Variants in ATG5 observed in about 807,000 individuals in gnomAD.
ATG5 encodes the protein autophagy related 5, also known as autophagy protein 5.
A neutral mutation model predicts 36.5 loss-of-function variants in ATG5; 14 were observed. The observed-to-expected ratio is 0.38, with a 90% CI of 0.25 to 0.60. The LOEUF (loss-of-function observed/expected upper bound fraction) is 0.60, where lower values mean the gene tolerates loss of function less well. Ranked by LOEUF, ATG5 falls within the 20% of genes least tolerant of loss-of-function variation. ATG5 has a pLI of 0.60. For synonymous variants in ATG5, 95 were observed against 101.5 expected, an observed-to-expected ratio of 0.94 and a Z score of 0.38; for missense variants, 195 against 326.7, an observed-to-expected ratio of 0.60 and a Z score of 3.11.
intron 5 of ATG5, among the ~76,000 whole-genome samples, chr6:106,264,493 C>T (rs1038330934): frequency 2.0e-5 from 3 of 152,060 alleles, no homozygotes; most frequent in African/African-American, 7.2e-5. Flanking sequence ...ACAGAGAACA[C>T]CACTAAGATA....
chr6:106,234,178 C>T lies in ATG5; in HGVS notation c.573+13972G>A, dbSNP rs1352566229. On this transcript the variant is annotated intron_variant, in intron 6 of 7. Transcript: ENST00000369076. ...TAAAGGAAGTAACCTCCCAACTGAC[C>T]CGGGTACATAGCACCCCTAGCCCCT... is the stretch of plus-strand genomic sequence containing the variant. Among the ~76,000 whole-genome samples, 7 of 152,134 alleles carry T rather than the reference C, an allele frequency of 4.6e-5. No individual in the cohort carries two copies. The East Asian group carries it at 1.4e-3, about 29-fold the overall frequency.
At chr6:106,294,325 T>C (rs1017457617) in intron 3 of ATG5, among the ~76,000 whole-genome samples, 2 of 152,178 alleles carry the variant, frequency 1.3e-5, no homozygotes, top group South Asian at 2.1e-4. Context: ...TATCAGTTAA[T>C]ATTATTTATG....
intron 5 of ATG5, among the ~76,000 whole-genome samples, chr6:106,272,825 A>G (rs1448801592): frequency 6.6e-6 from 1 of 152,220 alleles, no homozygotes; most frequent in Non-Finnish European, 1.5e-5. Flanking sequence ...AAGACAATGA[A>G]TGTTGTTTCC....
chr6:106,221,552 GGTGT>G (rs1777248255), intron 6 of ATG5, among the ~76,000 whole-genome samples: 1 of 151,940 alleles, frequency 6.6e-6, no homozygotes, highest in African/African-American at 2.4e-5. Context: ...TGCGCCTGGT[GGTGT>G]GCGCCTGTAG....
intron 5 of ATG5, among the ~76,000 whole-genome samples, chr6:106,255,582 T>C (rs1405438597): frequency 6.6e-6 from 1 of 152,216 alleles, no homozygotes; most frequent in Non-Finnish European, 1.5e-5. Flanking sequence ...GTAACTGCCT[T>C]CATTTTTAAG....
intron 6 of ATG5, among the ~76,000 whole-genome samples, chr6:106,246,371 GTCTCTC>G (rs761408773): frequency 2.4e-5 from 3 of 124,604 alleles, no homozygotes; most frequent in African/African-American, 8.6e-5. Flanking sequence ...CTCTGTCTCT[GTCTCTC>G]TCTCTCTCTC....
intron 6 of ATG5, among the ~76,000 whole-genome samples, chr6:106,227,300 A>G (rs1777486265): frequency 6.6e-6 from 1 of 152,206 alleles, no homozygotes; most frequent in South Asian, 2.1e-4. Context: ...CACTGAAAGA[A>G]GTAGAATGTC....
At chr6:106,224,838 A>G (rs112586228) in intron 6 of ATG5, among the ~76,000 whole-genome samples, 3,699 of 152,284 alleles carry the variant, frequency 0.024, 64 homozygotes, top group African/African-American at 0.049. Context: ...CTGAGATCGC[A>G]CCATTGCACT....
At chr6:106,293,719 T>A (rs1202788464) in intron 3 of ATG5, among the ~76,000 whole-genome samples, 2 of 152,104 alleles carry the variant, frequency 1.3e-5, no homozygotes, top group East Asian at 3.8e-4. Context: ...AATTCTAAAT[T>A]TAAAAAAATA....
chr6:106,300,690 C>A (rs1455701329), intron 3 of ATG5, among the ~76,000 whole-genome samples: 5 of 152,058 alleles, frequency 3.3e-5, no homozygotes, highest in Non-Finnish European at 1.5e-5. Context: ...ATACTCTAGA[C>A]AACTGTAACA....
chr6:106,218,342 G>A lies in ATG5; in HGVS notation c.574-16253C>T, dbSNP rs75876712. ...AATAATTTTATTTAAGGCTCCAAAA[G>A]CAGCAGCCTCATTCCCCAGAAATCA... On this transcript the variant is annotated intron_variant, in intron 6 of 7. Transcript: ENST00000369076. Among the ~76,000 whole-genome samples the A allele has an allele frequency of 2.9e-3, 446 of 152,226 alleles. 2 individuals are homozygous for A. The highest frequency in any genetic ancestry group is 0.01 in the African/African-American group (417 of 41,544).
At chr6:106,258,053 C>T (rs183529587) in intron 5 of ATG5, among the ~76,000 whole-genome samples, 2 of 152,252 alleles carry the variant, frequency 1.3e-5, no homozygotes, top group East Asian at 1.9e-4. Flanking sequence ...CAAATTGACA[C>T]AAGTTATCAC....
intron 5 of ATG5, among the ~76,000 whole-genome samples, chr6:106,249,862 C>G (rs374883371): frequency 5.3e-5 from 8 of 152,330 alleles, no homozygotes; most frequent in African/African-American, 1.4e-4. Flanking sequence ...AATGACTATG[C>G]TGAGCATCTT....
At chr6:106,292,813 G>GA (rs1364392099) in intron 4 of ATG5, among the ~76,000 whole-genome samples, 1 of 152,156 alleles carries the variant, frequency 6.6e-6, no homozygotes, top group East Asian at 1.9e-4. Flanking sequence ...CACTAATAAA[G>GA]AAAAGCAGTT....
intron 7 of ATG5, among the ~76,000 whole-genome samples, chr6:106,190,869 T>C (rs1042024962): frequency 2.0e-5 from 3 of 152,174 alleles, no homozygotes; most frequent in Non-Finnish European, 2.9e-5. Context: ...TAGACATAGA[T>C]ACAATGACTG....
At chr6:106,282,259 C>G (rs1315099454) in intron 4 of ATG5, among the ~76,000 whole-genome samples, 1 of 152,232 alleles carries the variant, frequency 6.6e-6, no homozygotes, top group Non-Finnish European at 1.5e-5. Context: ...CTTCACCTGT[C>G]ACGGCGCAAG....
At chr6:106,225,059 A>C (rs959861927) in intron 6 of ATG5, among the ~76,000 whole-genome samples, 1 of 152,268 alleles carries the variant, frequency 6.6e-6, no homozygotes, top group African/African-American at 2.4e-5. Context: ...AGTCAATAAC[A>C]TCTAATAATT....
At chr6:106,242,047 G>T (rs1778147893) in intron 6 of ATG5, among the ~76,000 whole-genome samples, 1 of 151,944 alleles carries the variant, frequency 6.6e-6, no homozygotes, top group African/African-American at 2.4e-5. Flanking sequence ...CAGATGAATG[G>T]AGAAGCAAAA....
At chr6:106,282,677 C>G (rs1362784564) in intron 4 of ATG5, among the ~76,000 whole-genome samples, 1 of 152,198 alleles carries the variant, frequency 6.6e-6, no homozygotes, top group Non-Finnish European at 1.5e-5. Flanking sequence ...AAATTCCCTT[C>G]TATTCCTAAG....
Sources: gnomAD v4.1 joint callset for allele counts (sites outside exome capture counted in the v4.1 genomes callset) on GRCh38, gnomAD v4.1.1 for gene constraint, MANE v1.5 for transcripts, NCBI Gene and HGNC (gene_info 2026-07-23, HGNC 2026-07-21) for gene names.